CDH13: variants seen among roughly 807,000 people sequenced by gnomAD.
CDH13 encodes cadherin 13, also known as cadherin-13.
A neutral mutation model predicts 63.8 loss-of-function variants in CDH13; 24 were observed. The ratio of observed to expected loss-of-function variants is 0.38; its 90% CI spans 0.27 to 0.53. The LOEUF (loss-of-function observed/expected upper bound fraction) is 0.53. CDH13 is among the 20% of genes least tolerant of loss of function. CDH13 has a pLI of 0.85. For synonymous variants in CDH13, 503 were observed against 355.3 expected (o/e 1.42, Z -4.67); for missense variants, 1,049 against 903.1 (o/e 1.16, Z -2.07).
In CDH13 at chr16:83,557,593, C is replaced by G. The variant is rs1334758573; in HGVS notation, c.961-44861C>G. ...GAAACAGGGGCATCTAAAAGTCGGCCATCAGGCACTCAGGGTGACATACTC... is the reference window on the plus strand; with the variant it reads ...GAAACAGGGGCATCTAAAAGTCGGCGATCAGGCACTCAGGGTGACATACTC... On this transcript the variant is annotated intron_variant, in intron 7 of 13. Coordinates refer to ENST00000567109, the MANE Select transcript of CDH13 (RefSeq NM_001257.5). Among the ~76,000 whole-genome samples the G allele has an allele frequency of 6.6e-5, 10 of 152,148 alleles. No individual in the cohort carries two copies. The South Asian group carries it at 1.9e-3, about 28-fold the overall frequency.
intron 5 of CDH13, among the ~76,000 whole-genome samples, chr16:83,295,303 A>G (rs1344969369): frequency 1.3e-5 from 2 of 152,186 alleles, no homozygotes; most frequent in East Asian, 1.9e-4. Context: ...GAAAAGTTCC[A>G]TGACATTGGT....
intron 6 of CDH13, among the ~76,000 whole-genome samples, chr16:83,474,841 C>G (rs1005291372): frequency 6.6e-6 from 1 of 152,188 alleles, no homozygotes; most frequent in Non-Finnish European, 1.5e-5. Flanking sequence ...TTGACTTCTG[C>G]CCAGGTACAT....
chr16:83,001,042 A>G (rs1035415259), intron 2 of CDH13, among the ~76,000 whole-genome samples: 5 of 152,216 alleles, frequency 3.3e-5, no homozygotes, highest in South Asian at 2.1e-4. Context: ...TGAAAAACAC[A>G]TAGAGCTTCC....
intron 6 of CDH13, 27 bp from the exon 7 acceptor site, chr16:83,486,450 C>G (rs765773319): frequency 6.3e-7 from 1 of 1,598,824 alleles, no homozygotes; most frequent in Non-Finnish European, 8.5e-7. Context: ...GATAACCATT[C>G]CGTGCCTTTC....
intron 1 of CDH13, among the ~76,000 whole-genome samples, chr16:82,726,877 C>T (rs1404546792): frequency 6.6e-6 from 1 of 152,150 alleles, no homozygotes; most frequent in Non-Finnish European, 1.5e-5. Flanking sequence ...CAGATGAAAA[C>T]ACTGAGGCAC....
At chr16:83,523,312 T>C (rs1437784975) in intron 7 of CDH13, among the ~76,000 whole-genome samples, 5 of 152,224 alleles carry the variant, frequency 3.3e-5, no homozygotes, top group African/African-American at 1.2e-4. Context: ...AGTGCATGGA[T>C]GGAAGAAAGC....
chr16:82,641,761 C>A (rs1909427411), intron 1 of CDH13, among the ~76,000 whole-genome samples: 2 of 152,190 alleles, frequency 1.3e-5, no homozygotes, highest in Non-Finnish European at 2.9e-5. Context: ...GTGCTCAACA[C>A]TTTTCTAGGC....
intron 2 of CDH13, among the ~76,000 whole-genome samples, chr16:82,985,895 C>A (rs1400312768): frequency 6.6e-6 from 1 of 152,088 alleles, no homozygotes. Context: ...CTGTCTTGCA[C>A]CTGCTCTGGC....
At chr16:83,546,935 T>G (rs1469164247) in intron 7 of CDH13, among the ~76,000 whole-genome samples, 1 of 152,146 alleles carries the variant, frequency 6.6e-6, no homozygotes, top group African/African-American at 2.4e-5. Flanking sequence ...AATGAATGAA[T>G]GAAGGCACAA....
At chr16:82,814,593 C>G (rs1026658583) in intron 1 of CDH13, among the ~76,000 whole-genome samples, 5 of 152,158 alleles carry the variant, frequency 3.3e-5, no homozygotes, top group African/African-American at 1.2e-4. Context: ...CTCTGCATAC[C>G]TTTCCACATA....
At chr16:82,679,182 G>T (rs1447282599) in intron 1 of CDH13, among the ~76,000 whole-genome samples, 1 of 152,140 alleles carries the variant, frequency 6.6e-6, no homozygotes, top group African/African-American at 2.4e-5. Context: ...AGGTTCTCTT[G>T]GGTATTCCAT....
intron 5 of CDH13, among the ~76,000 whole-genome samples, chr16:83,279,626 G>A (rs1193960089): frequency 6.6e-6 from 1 of 152,160 alleles, no homozygotes; most frequent in Non-Finnish European, 1.5e-5. Context: ...TAAATATGTG[G>A]AGTTGAGACA....
At chr16:82,736,067 G>A (rs2033656948) in intron 1 of CDH13, among the ~76,000 whole-genome samples, 1 of 152,200 alleles carries the variant, frequency 6.6e-6, no homozygotes, top group South Asian at 2.1e-4. Context: ...AACCTGAAGT[G>A]CATAAGAAAT....
At chr16:83,498,731 G>A (rs4378602) in intron 7 of CDH13, among the ~76,000 whole-genome samples, 71,392 of 151,972 alleles carry the variant, frequency 0.47, 17,360 homozygotes, top group East Asian at 0.83. Context: ...TATATGTGTG[G>A]TAAGCTTGCA....
chr16:82,660,150 C>T (rs544770737), intron 1 of CDH13, among the ~76,000 whole-genome samples: 3 of 152,154 alleles, frequency 2.0e-5, no homozygotes, highest in African/African-American at 7.2e-5. Flanking sequence ...GAGGAAGCTG[C>T]TGAGAAAAGA....
At chr16:83,050,655 A>AT (rs772041945) in intron 3 of CDH13, among the ~76,000 whole-genome samples, 10 of 151,922 alleles carry the variant, frequency 6.6e-5, no homozygotes, top group Non-Finnish European at 1.3e-4. Context: ...ATGTCTCCAA[A>AT]TTTATAGCTT....
chr16:82,840,921 A>T (rs1375347990), intron 1 of CDH13, among the ~76,000 whole-genome samples: 1 of 152,188 alleles, frequency 6.6e-6, no homozygotes, highest in African/African-American at 2.4e-5. Context: ...CAAGGTCAGA[A>T]AGTTAGTGTC....
At chr16:83,759,342 T>C (rs548060233) in intron 11 of CDH13, among the ~76,000 whole-genome samples, 1 of 152,160 alleles carries the variant, frequency 6.6e-6, no homozygotes, top group Non-Finnish European at 1.5e-5. Context: ...TGAATAAACA[T>C]ATTTTTTAAA....
chr16:83,729,276 T>A (rs190230631), intron 10 of CDH13, among the ~76,000 whole-genome samples: 12 of 152,314 alleles, frequency 7.9e-5, no homozygotes, highest in African/African-American at 2.4e-4. Context: ...ATGCATATTA[T>A]ACATATGTGT....
Sources: allele counts gnomAD v4.1 joint callset (sites outside exome capture counted in the v4.1 genomes callset), GRCh38; gene constraint gnomAD v4.1.1; transcripts MANE v1.5; gene names NCBI Gene and HGNC (gene_info 2026-07-23, HGNC 2026-07-21).